The following ADGRL2 variants were observed in gnomAD, a reference collection of about 807,000 sequenced individuals.
ADGRL2 encodes the protein adhesion G protein-coupled receptor L2.
In ADGRL2, 44 loss-of-function variants were observed where a neutral mutation model predicts 157.4. The ratio of observed to expected loss-of-function variants is 0.28; its 90% CI spans 0.22 to 0.36. The LOEUF (loss-of-function observed/expected upper bound fraction) is 0.36, where lower values mean the gene tolerates loss of function less well. Among genes scored for constraint, ADGRL2 ranks in the 10% least tolerant of loss-of-function variants. The pLI is 1.00. For synonymous variants in ADGRL2, 585 were observed against 624.7 expected, an observed-to-expected ratio of 0.94 and a Z score of 0.95; for missense variants, 1,510 against 1,768.9, an observed-to-expected ratio of 0.85 and a Z score of 2.63.
At chr1:81,737,125 T>C (rs2084928025) in intron 1 of ADGRL2, among the ~76,000 whole-genome samples, 1 of 152,174 alleles carries the variant, frequency 6.6e-6, no homozygotes, top group South Asian at 2.1e-4. Flanking sequence ...TGAGCCACCA[T>C]GCCCGGCCAA....
rs2079634584 is a variant in ADGRL2 at position 81,532,859 on chromosome 1, G to A, written c.-247-48017G>A. ...CACTTGAGCCCAGGAGATCAAGGAA[G>A]GCCACAGTGAATCGTGACTGAACCA... On this transcript the variant is annotated intron_variant, in intron 2 of 24. Coordinates refer to the ADGRL2 transcript ENST00000370721. Among the ~76,000 whole-genome samples the A allele has an allele frequency of 5.3e-5, 8 of 152,026 alleles. No homozygotes were observed. In the South Asian group the frequency reaches 1.7e-3, roughly 32 times the overall value.
At chr1:81,808,982 A>T (rs1230006022) in intron 1 of ADGRL2, among the ~76,000 whole-genome samples, 1 of 152,092 alleles carries the variant, frequency 6.6e-6, no homozygotes, top group Non-Finnish European at 1.5e-5. Context: ...AGAGATGTTT[A>T]AATCAGATTT....
At chr1:81,459,095 C>T (rs930683221) in intron 2 of ADGRL2, among the ~76,000 whole-genome samples, 4 of 152,060 alleles carry the variant, frequency 2.6e-5, no homozygotes, top group African/African-American at 9.7e-5. Flanking sequence ...TTTAAGGGCT[C>T]AGAATATGGG....
chr1:81,951,238 TAAAA>T, intron 8 of ADGRL2, 117 bp downstream of exon 8: 1 of 624,026 alleles, frequency 1.6e-6, no homozygotes, highest in Non-Finnish European at 2.8e-6. Flanking sequence ...AGTATAAAAG[TAAAA>T]AAAAATTACG....
chr1:81,989,564 T>A, intron 23 of ADGRL2: 1 of 915,022 alleles, frequency 1.1e-6, no homozygotes. Flanking sequence ...GGTAATCTAA[T>A]TTGTTGAACC....
At chr1:81,551,275 C>T (rs1443134933) in intron 2 of ADGRL2, among the ~76,000 whole-genome samples, 1 of 152,032 alleles carries the variant, frequency 6.6e-6, no homozygotes, top group Non-Finnish European at 1.5e-5. Context: ...AAAGACTAGC[C>T]CTGACACCAG....
At chr1:81,852,126 A>T (rs2093035486) in intron 2 of ADGRL2, among the ~76,000 whole-genome samples, 3 of 152,054 alleles carry the variant, frequency 2.0e-5, no homozygotes, top group Admixed American at 6.6e-5. Context: ...TAATCCTAAC[A>T]TCTAATGGTT....
At chr1:81,801,435 C>T (rs993611231) in intron 1 of ADGRL2, among the ~76,000 whole-genome samples, 12 of 152,178 alleles carry the variant, frequency 7.9e-5, no homozygotes, top group African/African-American at 2.9e-4. Context: ...CCCTCTCGCT[C>T]CCTCTCACTC....
At chr1:81,485,009 A>T (rs148884102) in intron 2 of ADGRL2, among the ~76,000 whole-genome samples, 1 of 152,230 alleles carries the variant, frequency 6.6e-6, no homozygotes, top group African/African-American at 2.4e-5. Context: ...TCAGAGGAAA[A>T]ACTAAAAGTT....
intron 1 of ADGRL2, among the ~76,000 whole-genome samples, chr1:81,716,368 T>C (rs976826734): frequency 2.0e-5 from 3 of 152,216 alleles, no homozygotes; most frequent in Admixed American, 6.5e-5. Context: ...TCCCCGGTGT[T>C]ATTCTGAGTA....
chr1:81,531,618 C>G (rs2079601204), intron 2 of ADGRL2, among the ~76,000 whole-genome samples: 1 of 152,162 alleles, frequency 6.6e-6, no homozygotes, highest in Non-Finnish European at 1.5e-5. Context: ...TAATGAGCCA[C>G]TCTTACAGGA....
chr1:81,502,411 T>A, intron 2 of ADGRL2: 2 of 1,614,090 alleles, frequency 1.2e-6, no homozygotes, highest in Non-Finnish European at 1.7e-6. Context: ...CCAAGCTGTA[T>A]GAACTGGACG....
chr1:81,330,090 A>G (rs1661172460), intron 1 of ADGRL2, among the ~76,000 whole-genome samples: 1 of 152,106 alleles, frequency 6.6e-6, no homozygotes, highest in Non-Finnish European at 1.5e-5. Flanking sequence ...TCTAGCTGGT[A>G]TTTGCCATAT....
At chr1:81,858,568 C>T (rs1251287140) in intron 2 of ADGRL2, among the ~76,000 whole-genome samples, 1 of 152,052 alleles carries the variant, frequency 6.6e-6, no homozygotes, top group Non-Finnish European at 1.5e-5. Flanking sequence ...TGCTGTCTTC[C>T]TAAACATGAC....
Position 81,992,336 on chromosome 1 carries a change from TA to T in ADGRL2, c.*1194del, listed in dbSNP as rs1292224976. On this transcript the variant is annotated 3_prime_UTR_variant, in exon 24 of 24. Coordinates refer to ENST00000686636, the MANE Select transcript of ADGRL2 (RefSeq NM_001366006.2). Reference sequence around the variant, plus strand: ...TCTGCTTTTTTTTCATCCCTTTGTGTAAACCTGTTAATAATGAGCCCATCAC... The same window carrying T: ...TCTGCTTTTTTTTCATCCCTTTGTGTAACCTGTTAATAATGAGCCCATCAC... 2 of 152,634 alleles carry T rather than the reference TA, an allele frequency of 1.3e-5. No homozygotes were observed. The highest frequency in any genetic ancestry group is 2.9e-5 in the Non-Finnish European group (2 of 68,034). 9.5% of individuals were successfully genotyped at this position (152,634 alleles called of 1,614,324 possible).
At chr1:81,366,546 A>C (rs1028785401) in intron 1 of ADGRL2, among the ~76,000 whole-genome samples, 1 of 152,122 alleles carries the variant, frequency 6.6e-6, no homozygotes, top group African/African-American at 2.4e-5. Flanking sequence ...CTGACCCAGG[A>C]TCATATACTC....
chr1:81,797,632 GTTA>G (rs1366893768), upstream of ADGRL2, among the ~76,000 whole-genome samples: 1 of 152,098 alleles, frequency 6.6e-6, no homozygotes, highest in Non-Finnish European at 1.5e-5. Context: ...TCAAACTGCT[GTTA>G]TTCTTATGTA....
intron 2 of ADGRL2, among the ~76,000 whole-genome samples, chr1:81,528,540 G>A (rs909670810): frequency 4.0e-5 from 6 of 151,606 alleles, no homozygotes; most frequent in Non-Finnish European, 5.9e-5. Flanking sequence ...TCAGCTACTC[G>A]GGAGGCTGAG....
rs1255275174 is a variant in ADGRL2, at chr1:81,956,033, A to G, written c.1990A>G (p.Arg664Gly). 1 of 1,605,000 alleles carries G rather than the reference A, an allele frequency of 6.2e-7. No individual in the cohort carries two copies. ...VLADNLLEPT[R>G]VSMPTENIVL... ...AGCTGACAATCTTTTAGAACCAACA[A>G]GGGTCTCAATGCCCACAGAAAATAT... is the stretch of plus-strand genomic sequence containing the variant. The change falls in exon 11 of 24, where the codon AGG (arginine) becomes GGG (glycine). Residue 664 changes from arginine to glycine, a missense_variant. Physicochemically the swap from Arg to Gly is moderately radical, Grantham distance 125. Around this residue, in one of 4 missense-constraint regions of ADGRL2, gnomAD observed 325 missense variants for 333.2 expected, o/e 0.98. Transcript: ENST00000686636.
Sources: gnomAD v4.1 joint callset for allele counts (sites outside exome capture counted in the v4.1 genomes callset) on GRCh38, gnomAD v4.1.1 for gene constraint, gnomAD v4.1.1 regional missense constraint, MANE v1.5 for transcripts, NCBI Gene and HGNC (gene_info 2026-07-23, HGNC 2026-07-21) for gene names.